TSPAN18: variants seen among roughly 807,000 people sequenced by gnomAD.
TSPAN18 encodes the protein tetraspanin-18.
Under a neutral mutation model 27.3 loss-of-function variants are expected in TSPAN18, and 14 were observed. That is an observed-to-expected ratio of 0.51 (90% CI 0.34 to 0.80). TSPAN18 has a LOEUF of 0.80. TSPAN18 is among the 30% of genes least tolerant of loss of function. The pLI, the probability that TSPAN18 is intolerant of heterozygous loss-of-function variation, is 0.01. For synonymous variants in TSPAN18, 143 were observed against 136.5 expected (o/e 1.05, Z -0.33); for missense variants, 268 against 323.9 (o/e 0.83, Z 1.32).
At chr11:44,793,437 G>A (rs1324889564) in intron 2 of TSPAN18, among the ~76,000 whole-genome samples, 2 of 152,208 alleles carry the variant, frequency 1.3e-5, no homozygotes, top group Non-Finnish European at 2.9e-5. Context: ...AAGGTGACCA[G>A]CCCTCCCAGT....
intron 2 of TSPAN18, among the ~76,000 whole-genome samples, chr11:44,816,479 G>A (rs1856820946): frequency 6.6e-6 from 1 of 152,210 alleles, no homozygotes; most frequent in African/African-American, 2.4e-5. Flanking sequence ...GATGTGTGAT[G>A]CTGCCTCTGT....
chr11:44,806,801 C>G (rs1856602441), intron 2 of TSPAN18, among the ~76,000 whole-genome samples: 1 of 152,146 alleles, frequency 6.6e-6, no homozygotes, highest in Admixed American at 6.5e-5. Flanking sequence ...TCAAACATAA[C>G]TTTTCGAGCT....
intron 1 of TSPAN18, among the ~76,000 whole-genome samples, chr11:44,729,720 G>A (rs1030484239): frequency 1.3e-5 from 2 of 152,094 alleles, no homozygotes; most frequent in Non-Finnish European, 2.9e-5. Flanking sequence ...GGATACCTTG[G>A]GGTTGGGTTT....
At chr11:44,739,505 TC>T (rs1222787865) in intron 1 of TSPAN18, among the ~76,000 whole-genome samples, 3 of 152,170 alleles carry the variant, frequency 2.0e-5, no homozygotes, top group Admixed American at 2.0e-4. Flanking sequence ...GTGCCTGTAA[TC>T]CCAGCTACTC....
At chr11:44,897,058 C>A (rs1859084897) in intron 3 of TSPAN18, among the ~76,000 whole-genome samples, 1 of 152,244 alleles carries the variant, frequency 6.6e-6, no homozygotes, top group African/African-American at 2.4e-5. Context: ...TCCCTAGGAA[C>A]ACCCCCACAG....
chr11:44,863,299 C>T (rs1196491428), intron 3 of TSPAN18, among the ~76,000 whole-genome samples: 1 of 152,190 alleles, frequency 6.6e-6, no homozygotes, highest in Non-Finnish European at 1.5e-5. Context: ...AAAGACTGTG[C>T]CAGGCAGGAA....
chr11:44,733,122 C>G (rs1854704202), intron 1 of TSPAN18, among the ~76,000 whole-genome samples: 1 of 152,136 alleles, frequency 6.6e-6, no homozygotes, highest in African/African-American at 2.4e-5. Flanking sequence ...GTCATCTGGC[C>G]CCAAACCAGC....
intron 3 of TSPAN18, among the ~76,000 whole-genome samples, chr11:44,897,301 T>C (rs1859094074): frequency 6.6e-6 from 1 of 152,062 alleles, no homozygotes. Flanking sequence ...ATCAAATCTC[T>C]CTCTCCTGGG....
intron 7 of TSPAN18, 48 bp from the exon 8 acceptor site, chr11:44,919,768 CT>C (rs751214726): frequency 1.9e-6 from 3 of 1,586,642 alleles, no homozygotes; most frequent in East Asian, 4.5e-5. Flanking sequence ...GTCCCCGCCC[CT>C]GTGTCCTCCT....
chr11:44,855,742 C>T (rs546416438), intron 2 of TSPAN18, among the ~76,000 whole-genome samples: 1 of 151,944 alleles, frequency 6.6e-6, no homozygotes, highest in South Asian at 2.1e-4. Context: ...CAGTATCCCC[C>T]CACACCACCC....
intron 2 of TSPAN18, among the ~76,000 whole-genome samples, chr11:44,802,530 C>T (rs1232509777): frequency 6.6e-6 from 1 of 151,690 alleles, no homozygotes; most frequent in African/African-American, 2.4e-5. Flanking sequence ...GAGCCAGAGA[C>T]CAGAGAAGAT....
intron 2 of TSPAN18, among the ~76,000 whole-genome samples, chr11:44,789,238 CCAA>C (rs1856134096): frequency 6.6e-6 from 1 of 152,184 alleles, no homozygotes; most frequent in Admixed American, 6.5e-5. Flanking sequence ...TTCTTATTTC[CCAA>C]CAGAAATAAG....
intron 2 of TSPAN18, among the ~76,000 whole-genome samples, chr11:44,842,059 G>A (rs577496065): frequency 1.8e-3 from 276 of 152,302 alleles, no homozygotes; most frequent in Middle Eastern, 3.4e-3. Context: ...GGTTGTTAGC[G>A]TCACATAACA....
chr11:44,861,352 C>T (rs1281787944), intron 3 of TSPAN18, among the ~76,000 whole-genome samples: 1 of 148,516 alleles, frequency 6.7e-6, no homozygotes, highest in Non-Finnish European at 1.5e-5. Context: ...GCTGATTGGC[C>T]AGACTGGGTC....
At chr11:44,878,219 G>A (rs1302533707) in intron 3 of TSPAN18, among the ~76,000 whole-genome samples, 3 of 152,024 alleles carry the variant, frequency 2.0e-5, no homozygotes, top group African/African-American at 2.4e-5. Context: ...AAACCATTAC[G>A]TGTTCCAATT....
chr11:44,759,811 T>A (rs1855410712), intron 1 of TSPAN18, among the ~76,000 whole-genome samples: 1 of 152,146 alleles, frequency 6.6e-6, no homozygotes. Context: ...CATAGTCTGG[T>A]AGGTGGGAAA....
intron 3 of TSPAN18, among the ~76,000 whole-genome samples, chr11:44,889,660 G>A (rs774553658): frequency 1.3e-5 from 2 of 152,246 alleles, no homozygotes; most frequent in African/African-American, 4.8e-5. Flanking sequence ...AGGGTTCCAT[G>A]TGGGTTTGAC....
chr11:44,795,202 G>T (rs549641509), intron 2 of TSPAN18, among the ~76,000 whole-genome samples: 1 of 151,594 alleles, frequency 6.6e-6, no homozygotes, highest in African/African-American at 2.4e-5. Flanking sequence ...GGCCAGTTCC[G>T]GTCCTCACGC....
rs954552172 is a variant in TSPAN18 at position 44,872,216 on chromosome 11, C to T, written c.-11+11747C>T. 4.6e-5 allele frequency among the ~76,000 whole-genome samples: 7 copies of T among 152,282 alleles called. No homozygotes were observed. In the South Asian group the frequency reaches 1.0e-3, roughly 23 times the overall value. ...AAAGTGCTAGGATTACAGGCATGAG[C>T]CACTGTGCCCAGCCTCTTCCTCTTC... On this transcript the variant is annotated intron_variant, in intron 3 of 9. Transcript: ENST00000520358.
Sources: allele counts gnomAD v4.1 joint callset (sites outside exome capture counted in the v4.1 genomes callset), GRCh38; gene constraint gnomAD v4.1.1; transcripts MANE v1.5; gene names NCBI Gene and HGNC (gene_info 2026-07-23, HGNC 2026-07-21).